DLG2: variants seen among roughly 807,000 people sequenced by gnomAD.
The protein encoded by DLG2 is discs large MAGUK scaffold protein 2, also known as disks large homolog 2.
DLG2 carries 45 observed loss-of-function variants against 132.5 expected under a neutral mutation model. The observed-to-expected ratio is 0.34, with a 90% confidence interval of 0.27 to 0.44. The LOEUF (loss-of-function observed/expected upper bound fraction) is 0.44, where lower values mean the gene tolerates loss of function less well. Ranked by LOEUF, DLG2 falls within the 20% of genes least tolerant of loss-of-function variation. DLG2 has a pLI of 1.00. For synonymous variants in DLG2, 424 were observed against 419.6 expected (o/e 1.01, Z -0.13); for missense variants, 1,045 against 1,196.9 (o/e 0.87, Z 1.87).
At chr11:84,098,035 C>CTTTTTTTTTTTTTT (rs35298703) in intron 10 of DLG2, among the ~76,000 whole-genome samples, 28 of 121,834 alleles carry the variant, frequency 2.3e-4, no homozygotes, top group African/African-American at 7.7e-4. Context: ...CACCATGTGC[C>CTTTTTTTTTTTTTT]TTTTTTTTTT....
Position 84,718,751 on chromosome 11 carries a change from T to G in DLG2, c.358-184020A>C, listed in dbSNP as rs2061485290. 2.0e-5 allele frequency among the ~76,000 whole-genome samples: 3 copies of G among 152,092 alleles called. No individual in the cohort carries two copies. The South Asian group carries it at 6.2e-4, about 32-fold the overall frequency. ...TAGGAGAGTGAATAAAAGCATGAGG[T>G]AGGGGTGGCAGGTTGTATGGGAGAG... On this transcript the variant is annotated intron_variant, in intron 6 of 27. Coordinates refer to ENST00000376104, the MANE Select transcript of DLG2 (RefSeq NM_001142699.3).
intron 16 of DLG2, among the ~76,000 whole-genome samples, chr11:83,871,017 G>T (rs560710581): frequency 6.6e-6 from 1 of 152,160 alleles, no homozygotes; most frequent in South Asian, 2.1e-4. Flanking sequence ...GTTTTTCACC[G>T]ATCAATACCC....
chr11:84,922,990 A>G, intron 6 of DLG2: 2 of 1,544,600 alleles, frequency 1.3e-6, no homozygotes, highest in Non-Finnish European at 8.9e-7. Flanking sequence ...AGCAATCCGA[A>G]AAGTCCTGAA....
chr11:84,654,963 C>A (rs2099686461), intron 6 of DLG2, among the ~76,000 whole-genome samples: 1 of 152,236 alleles, frequency 6.6e-6, no homozygotes, highest in African/African-American at 2.4e-5. Context: ...TTTTTTCTAT[C>A]CTGATTTATT....
chr11:85,122,969 ATTTTTT>A (rs1175644391), intron 5 of DLG2, among the ~76,000 whole-genome samples: 9 of 86,884 alleles, frequency 1.0e-4, no homozygotes, highest in African/African-American at 1.3e-4. Flanking sequence ...ATATATATAT[ATTTTTT>A]TTTTTTTTTT....
At chr11:84,673,864 T>C (rs780728005) in intron 6 of DLG2, among the ~76,000 whole-genome samples, 1 of 152,114 alleles carries the variant, frequency 6.6e-6, no homozygotes, top group Non-Finnish European at 1.5e-5. Flanking sequence ...TACCTGCAAC[T>C]TACAACAACT....
intron 18 of DLG2, among the ~76,000 whole-genome samples, chr11:83,650,845 T>C (rs898058181): frequency 6.6e-6 from 1 of 152,194 alleles, no homozygotes; most frequent in Non-Finnish European, 1.5e-5. Context: ...CCAGATGCCA[T>C]TGGCTGAAGA....
intron 6 of DLG2, among the ~76,000 whole-genome samples, chr11:84,818,973 G>A (rs2077368299): frequency 6.6e-6 from 1 of 151,516 alleles, no homozygotes; most frequent in African/African-American, 2.4e-5. Context: ...TTTCACAGGT[G>A]GGCAGAAGCT....
chr11:84,930,724 C>T (rs1309431097), intron 6 of DLG2, among the ~76,000 whole-genome samples: 3 of 152,174 alleles, frequency 2.0e-5, no homozygotes, highest in African/African-American at 7.2e-5. Flanking sequence ...GTTCCCCTCT[C>T]ATCAAGACTG....
intron 26 of DLG2, among the ~76,000 whole-genome samples, chr11:83,466,474 T>G (rs989114141): frequency 3.9e-5 from 6 of 152,186 alleles, no homozygotes; most frequent in Admixed American, 2.0e-4. Flanking sequence ...TGAAGATGTT[T>G]TAAGGAATTA....
At chr11:84,350,775 A>G (rs935617468) in intron 7 of DLG2, among the ~76,000 whole-genome samples, 1 of 152,064 alleles carries the variant, frequency 6.6e-6, no homozygotes, top group Non-Finnish European at 1.5e-5. Context: ...TTCACTTTTC[A>G]TACTTATTAA....
chr11:84,274,261 A>G (rs895816345), intron 7 of DLG2, among the ~76,000 whole-genome samples: 2 of 152,126 alleles, frequency 1.3e-5, no homozygotes, highest in African/African-American at 4.8e-5. Context: ...AGGTGCTAGG[A>G]GGTAAGGCAT....
At chr11:85,463,544 C>T (rs1392617456) in intron 3 of DLG2, among the ~76,000 whole-genome samples, 1 of 152,038 alleles carries the variant, frequency 6.6e-6, no homozygotes, top group Non-Finnish European at 1.5e-5. Flanking sequence ...TTTGGGAGGC[C>T]AAGAATGGAG....
intron 7 of DLG2, among the ~76,000 whole-genome samples, chr11:84,516,371 T>C (rs925992841): frequency 2.0e-5 from 3 of 151,096 alleles, no homozygotes; most frequent in Non-Finnish European, 4.4e-5. Flanking sequence ...TCAGATAAAG[T>C]CAAACATGAA....
At chr11:84,307,594 C>G (rs1404203576) in intron 7 of DLG2, among the ~76,000 whole-genome samples, 1 of 151,004 alleles carries the variant, frequency 6.6e-6, no homozygotes, top group African/African-American at 2.4e-5. Context: ...TACTCAGGGC[C>G]CTGAGGCAGG....
chr11:85,337,690 G>A (rs1596339605), intron 3 of DLG2, among the ~76,000 whole-genome samples: 1 of 151,824 alleles, frequency 6.6e-6, no homozygotes, highest in Admixed American at 6.6e-5. Context: ...GCTCAGTAAA[G>A]TCTAGATAAG....
At chr11:84,772,439 G>A (rs900886579) in intron 6 of DLG2, among the ~76,000 whole-genome samples, 11 of 152,096 alleles carry the variant, frequency 7.2e-5, no homozygotes, top group African/African-American at 2.7e-4. Context: ...CACTTGACAA[G>A]CTGGATCTAA....
At chr11:83,969,837 T>A (rs561422388) in intron 12 of DLG2, among the ~76,000 whole-genome samples, 1 of 152,016 alleles carries the variant, frequency 6.6e-6, no homozygotes, top group African/African-American at 2.4e-5. Context: ...CCTCTCAAAG[T>A]GCTGGGATTA....
intron 7 of DLG2, among the ~76,000 whole-genome samples, chr11:84,395,349 G>A (rs2098807460): frequency 6.6e-6 from 1 of 151,926 alleles, no homozygotes; most frequent in South Asian, 2.1e-4. Context: ...ATGCTGTCAG[G>A]GCAGAAGGGG....
Sources: allele counts gnomAD v4.1 joint callset (sites outside exome capture counted in the v4.1 genomes callset), GRCh38; gene constraint gnomAD v4.1.1; transcripts MANE v1.5; gene names NCBI Gene and HGNC (gene_info 2026-07-23, HGNC 2026-07-21).